Variants in LRRIQ3 observed in about 807,000 individuals in gnomAD.
LRRIQ3 encodes the protein leucine rich repeats and IQ motif containing 3, also known as leucine-rich repeat and IQ domain-containing protein 3.
A neutral mutation model predicts 59.3 loss-of-function variants in LRRIQ3; 75 were observed. The ratio of observed to expected loss-of-function variants is 1.26; its 90% CI spans 1.05 to 1.53. LRRIQ3 has a LOEUF of 1.53. Ranked by LOEUF, LRRIQ3 falls within the 40% of genes most tolerant of loss-of-function variation. The probability of loss-of-function intolerance (pLI) is 0.00; values close to 1 mark genes in which losing one functional copy is unlikely to be tolerated. For missense variants in LRRIQ3, 831 were observed against 710.0 expected, an observed-to-expected ratio of 1.17 and a Z score of -1.94; for synonymous variants, 250 against 231.3, an observed-to-expected ratio of 1.08 and a Z score of -0.73.
At chr1:74,172,609 T>G (rs773941931) in intron 3 of LRRIQ3, among the ~76,000 whole-genome samples, 1 of 152,186 alleles carries the variant, frequency 6.6e-6, no homozygotes, top group Non-Finnish European at 1.5e-5. Context: ...CCAGTGTTAT[T>G]CAAGTCTGCT....
At chr1:74,078,860 C>T (rs991085953) in intron 5 of LRRIQ3, 1 of 151,834 alleles carries the variant, frequency 6.6e-6, no homozygotes, top group African/African-American at 2.4e-5. Context: ...CCATCTTCTT[C>T]ATTTTGAAAA....
intron 4 of LRRIQ3, among the ~76,000 whole-genome samples, chr1:74,154,158 G>A (rs1020774305): frequency 1.4e-5 from 2 of 146,822 alleles, no homozygotes; most frequent in Admixed American, 1.4e-4. Context: ...GGAGAATGGC[G>A]TGAACCCGGA....
At chr1:74,055,223 CATAT>C (rs1654495893) in intron 6 of LRRIQ3, among the ~76,000 whole-genome samples, 1 of 145,130 alleles carries the variant, frequency 6.9e-6, no homozygotes, top group Admixed American at 6.9e-5. Flanking sequence ...CACACACATA[CATAT>C]AAAGGGTATG....
chr1:74,109,421 T>C lies in LRRIQ3; in HGVS notation c.840A>G (p.Ile280Met). 1 of 1,550,410 alleles carries C rather than the reference T, an allele frequency of 6.4e-7. No individual in the cohort carries two copies. The highest frequency in any genetic ancestry group is 8.7e-7 in the Non-Finnish European group (1 of 1,144,866). Residue 280 changes from isoleucine (I) to methionine (M), a missense_variant, in exon 5 of 8, where the codon ATA becomes ATG. Coordinates refer to ENST00000354431, the MANE Select transcript of LRRIQ3 (RefSeq NM_001105659.2). ...GTTTCCAATATGCAAGCTTTCCTTT[T>C]ATATTAGTTTCAGGTTTGAAAAAGA... ...KDLFFKPETN[I>M]KGKLAYWKHN...
chr1:74,094,555 A>C (rs1475138085), intron 5 of LRRIQ3, among the ~76,000 whole-genome samples: 1 of 152,138 alleles, frequency 6.6e-6, no homozygotes, highest in East Asian at 1.9e-4. Context: ...ACTTTGATTT[A>C]GTCAAGTAAA....
rs1654058544 is a variant in LRRIQ3, at chr1:74,041,866, T to C, written c.1065A>G (p.Lys355=). Residue 355 remains lysine, a synonymous_variant, in exon 7 of 8, where the codon AAA becomes AAG. Transcript: ENST00000354431. ...ATGAACCTGAAGTGTATATGGGTAG[T>C]TTGAAAACTGATATCCTAAAACTGG... ...LDTSFRISVF[K]LPIYTSGSLK... 1 of 1,611,406 alleles carries C rather than the reference T, an allele frequency of 6.2e-7. No homozygotes were observed. The highest frequency in any genetic ancestry group is 1.1e-5 in the South Asian group (1 of 90,556).
At chr1:74,179,602 A>G (rs1357172171) in intron 3 of LRRIQ3, among the ~76,000 whole-genome samples, 1 of 151,988 alleles carries the variant, frequency 6.6e-6, no homozygotes, top group Non-Finnish European at 1.5e-5. Flanking sequence ...CCATCGGTTC[A>G]TATTTATTCC....
chr1:74,124,999 A>G (rs1646914936), intron 4 of LRRIQ3, among the ~76,000 whole-genome samples: 1 of 151,464 alleles, frequency 6.6e-6, no homozygotes, highest in Non-Finnish European at 1.5e-5. Context: ...GAACATATGT[A>G]TTTCCATTTT....
At chr1:74,131,419 C>T (rs1207428549) in intron 4 of LRRIQ3, among the ~76,000 whole-genome samples, 2 of 151,878 alleles carry the variant, frequency 1.3e-5, no homozygotes, top group Non-Finnish European at 1.5e-5. Context: ...AGAGACACAA[C>T]AAAAAAAGAG....
intron 5 of LRRIQ3, chr1:74,082,228 T>G (rs1042796406): frequency 2.0e-5 from 3 of 151,532 alleles, no homozygotes; most frequent in Non-Finnish European, 4.4e-5. Context: ...GCATTGAAAG[T>G]GAGAAAAACA....
chr1:74,181,548 A>G (rs979833792), intron 3 of LRRIQ3: 2 of 151,814 alleles, frequency 1.3e-5, no homozygotes, highest in African/African-American at 4.8e-5. Context: ...GCCTGTTGCC[A>G]CCTTTCATTA....
At chr1:74,088,203 A>C (rs1646350914) in intron 5 of LRRIQ3, among the ~76,000 whole-genome samples, 1 of 152,180 alleles carries the variant, frequency 6.6e-6, no homozygotes, top group Admixed American at 6.6e-5. Context: ...ATTTCTATCC[A>C]TTATGAGTCT....
intron 4 of LRRIQ3, among the ~76,000 whole-genome samples, chr1:74,112,587 T>A (rs192176923): frequency 6.6e-6 from 1 of 152,164 alleles, no homozygotes. Flanking sequence ...CAACCAGCAA[T>A]TAGTGGAGGT....
chr1:74,157,056 T>C (rs888949396), intron 3 of LRRIQ3, among the ~76,000 whole-genome samples: 15 of 152,122 alleles, frequency 9.9e-5, no homozygotes, highest in African/African-American at 2.9e-4. Context: ...TAGTGCCGCT[T>C]CCGATTTATA....
intron 4 of LRRIQ3, among the ~76,000 whole-genome samples, chr1:74,116,803 G>A (rs1488236393): frequency 6.6e-6 from 1 of 152,010 alleles, no homozygotes; most frequent in African/African-American, 2.4e-5. Flanking sequence ...AAGCCATTAT[G>A]TATTAAGATT....
chr1:74,111,623 A>C (rs1314712224), intron 4 of LRRIQ3, among the ~76,000 whole-genome samples: 4 of 152,042 alleles, frequency 2.6e-5, no homozygotes, highest in Non-Finnish European at 5.9e-5. Flanking sequence ...TTATTTTTTT[A>C]AGTTATATAT....
At chr1:74,108,874 T>TA (rs1056986015) in intron 5 of LRRIQ3, 7 of 384,508 alleles carry the variant, frequency 1.8e-5, no homozygotes, top group Non-Finnish European at 3.6e-5. Flanking sequence ...CAAAATGAGA[T>TA]AAAAAATATC....
intron 4 of LRRIQ3, among the ~76,000 whole-genome samples, chr1:74,121,261 A>G (rs1429581764): frequency 2.0e-5 from 3 of 152,182 alleles, no homozygotes; most frequent in Non-Finnish European, 4.4e-5. Flanking sequence ...TTTGCTAGAT[A>G]TCATTCTTAT....
At chr1:74,112,988 C>G (rs1044937110) in intron 4 of LRRIQ3, among the ~76,000 whole-genome samples, 3 of 151,820 alleles carry the variant, frequency 2.0e-5, no homozygotes, top group Non-Finnish European at 4.4e-5. Flanking sequence ...AGGGCCCAGA[C>G]AACAGGCGAA....
Sources: gnomAD v4.1 joint callset for allele counts (sites outside exome capture counted in the v4.1 genomes callset) on GRCh38, gnomAD v4.1.1 for gene constraint, MANE v1.5 for transcripts, NCBI Gene and HGNC (gene_info 2026-07-23, HGNC 2026-07-21) for gene names.